The following NBEAL1 variants were observed in gnomAD, a reference collection of about 807,000 sequenced individuals.
The protein encoded by NBEAL1 is neurobeachin-like protein 1.
NBEAL1 carries 273 observed loss-of-function variants against 351.3 expected under a neutral mutation model. The ratio of observed to expected loss-of-function variants is 0.78; its 90% CI spans 0.70 to 0.86. The LOEUF (loss-of-function observed/expected upper bound fraction) is 0.86. Among genes scored for constraint, NBEAL1 ranks in the 40% least tolerant of loss-of-function variants. NBEAL1 has a pLI of 0.00. For synonymous variants in NBEAL1, 1,050 were observed against 1,086.4 expected (o/e 0.97, Z 0.66); for missense variants, 2,961 against 3,201.3 (o/e 0.92, Z 1.81).
intron 2 of NBEAL1, among the ~76,000 whole-genome samples, chr2:203,022,876 TC>T (rs1329958553): frequency 6.6e-6 from 1 of 152,196 alleles, no homozygotes; most frequent in African/African-American, 2.4e-5. Flanking sequence ...TTGAGGGTCC[TC>T]CCTACTCTAA....
intron 35 of NBEAL1, among the ~76,000 whole-genome samples, chr2:203,156,211 A>G (rs1031688739): frequency 2.6e-5 from 4 of 152,144 alleles, no homozygotes; most frequent in African/African-American, 9.7e-5. Flanking sequence ...TCCTACATAT[A>G]ATAGCTCTTT....
intron 19 of NBEAL1, 138 bp downstream of exon 19, chr2:203,122,481 A>T: frequency 3.4e-6 from 2 of 587,758 alleles, no homozygotes; most frequent in Non-Finnish European, 5.9e-6. Flanking sequence ...TACAATTTGA[A>T]GGGTAAACAA....
In NBEAL1 at chr2:203,171,909, T is replaced by C; in HGVS notation, c.6103-19T>C. ...GTAGATTTTTAAATTTTGATATTGC[T>C]CTTTTTTGTGCTGTCTAGAAATGGG... is the stretch of plus-strand genomic sequence containing the variant. On this transcript the variant is annotated intron_variant, in intron 39 of 55. Transcript: ENST00000683969. 1.4e-6 allele frequency: 2 copies of C among 1,457,780 alleles called. No individual in the cohort carries two copies. Among genetic ancestry groups the C allele is most frequent in the Admixed American group, 2.1e-5 (1 of 48,252 alleles). The allele number at this position is 1,457,780 out of a possible 1,614,324, so 90.3% of individuals were successfully genotyped here.
intron 2 of NBEAL1, among the ~76,000 whole-genome samples, chr2:203,017,530 T>C (rs761478764): frequency 6.6e-6 from 1 of 152,088 alleles, no homozygotes; most frequent in African/African-American, 2.4e-5. Flanking sequence ...AATAGACGCT[T>C]CCAATAAAAA....
At chr2:203,041,579 T>A (rs1034242968) in intron 2 of NBEAL1, among the ~76,000 whole-genome samples, 186 bp from the exon 3 acceptor site, 1 of 152,176 alleles carries the variant, frequency 6.6e-6, no homozygotes, top group South Asian at 2.1e-4. Flanking sequence ...GCTCTTTGAG[T>A]GACATGAGAA....
chr2:203,024,476 C>T (rs1483276611), intron 2 of NBEAL1, among the ~76,000 whole-genome samples: 1 of 149,700 alleles, frequency 6.7e-6, no homozygotes, highest in Non-Finnish European at 1.5e-5. Context: ...CACTTGAATC[C>T]AAGAGGCCGG....
chr2:203,148,427 T>C (rs1183964734), intron 33 of NBEAL1, among the ~76,000 whole-genome samples: 1 of 152,102 alleles, frequency 6.6e-6, no homozygotes, highest in East Asian at 1.9e-4. Context: ...AACTGTTCTT[T>C]TTAATGTAAT....
chr2:203,084,373 A>T, intron 9 of NBEAL1, 90 bp from the exon 10 acceptor site: 1 of 591,050 alleles, frequency 1.7e-6, no homozygotes, highest in African/African-American at 1.9e-5. Context: ...AAGTTGTTTT[A>T]AAAATTAAAA....
chr2:203,127,629 G>A (rs2062970019), intron 23 of NBEAL1, among the ~76,000 whole-genome samples, 152 bp from the exon 24 acceptor site: 2 of 152,182 alleles, frequency 1.3e-5, no homozygotes, highest in African/African-American at 4.8e-5. Context: ...GGCTGAGGCA[G>A]GAGAATCGCT....
chr2:203,040,281 T>A (rs2061118735), intron 2 of NBEAL1: 2 of 790,452 alleles, frequency 2.5e-6, no homozygotes, highest in Non-Finnish European at 4.4e-6. Context: ...TCCTACATGA[T>A]TCCTGGAGGC....
chr2:203,194,261 A>C (rs968216988), intron 47 of NBEAL1, among the ~76,000 whole-genome samples: 1 of 152,208 alleles, frequency 6.6e-6, no homozygotes, highest in African/African-American at 2.4e-5. Flanking sequence ...TCATATATAA[A>C]ATAGATCCTA....
chr2:203,057,779 C>T (rs545236186), intron 6 of NBEAL1, among the ~76,000 whole-genome samples: 2 of 149,064 alleles, frequency 1.3e-5, no homozygotes, highest in East Asian at 1.9e-4. Flanking sequence ...CTTTATAATT[C>T]GAAAATGCTT....
chr2:203,138,882 G>T, intron 31 of NBEAL1, 134 bp downstream of exon 31: 1 of 818,084 alleles, frequency 1.2e-6, no homozygotes, highest in Non-Finnish European at 1.8e-6. Flanking sequence ...GATTTCATTT[G>T]GAGTTTTGAG....
At chr2:203,174,184 G>A (rs1431116834) in intron 41 of NBEAL1, among the ~76,000 whole-genome samples, 6 of 111,382 alleles carry the variant, frequency 5.4e-5, no homozygotes, top group Non-Finnish European at 1.0e-4. Context: ...GGCCACAAAA[G>A]GATGTTTAAT....
intron 53 of NBEAL1, among the ~76,000 whole-genome samples, 183 bp downstream of exon 53, chr2:203,209,505 A>G (rs950813309): frequency 2.4e-4 from 36 of 152,186 alleles, no homozygotes; most frequent in Non-Finnish European, 2.2e-4. Context: ...GTAGCCTCAC[A>G]TTAGTATTTT....
chr2:203,080,916 C>G (rs2061860280), intron 8 of NBEAL1, among the ~76,000 whole-genome samples: 2 of 152,126 alleles, frequency 1.3e-5, no homozygotes, highest in Admixed American at 1.3e-4. Flanking sequence ...AATGTAGAAG[C>G]TGATTGGATC....
chr2:203,089,748 A>G (rs1336703197), intron 10 of NBEAL1, among the ~76,000 whole-genome samples: 1 of 152,234 alleles, frequency 6.6e-6, no homozygotes, highest in Non-Finnish European at 1.5e-5. Context: ...CCACATTTTA[A>G]AGACAGTTAG....
At chr2:203,137,620 T>C (rs2063248436) in intron 29 of NBEAL1, among the ~76,000 whole-genome samples, 1 of 152,208 alleles carries the variant, frequency 6.6e-6, no homozygotes, top group South Asian at 2.1e-4. Context: ...CAGGAAACTT[T>C]TGACTTTTAA....
At chr2:203,039,144 CTGTCT>C (rs1369543863) in intron 2 of NBEAL1, among the ~76,000 whole-genome samples, 3 of 148,048 alleles carry the variant, frequency 2.0e-5, no homozygotes, top group South Asian at 2.1e-4. Context: ...TCTTTCTTGT[CTGTCT>C]TGTCTTGTCT....
Sources: gnomAD v4.1 joint callset for allele counts (sites outside exome capture counted in the v4.1 genomes callset) on GRCh38, gnomAD v4.1.1 for gene constraint, MANE v1.5 for transcripts, NCBI Gene and HGNC (gene_info 2026-07-23, HGNC 2026-07-21) for gene names.